COL9A1: variants seen among roughly 807,000 people sequenced by gnomAD.
COL9A1 encodes collagen alpha-1(IX) chain.
A neutral mutation model predicts 142.6 loss-of-function variants in COL9A1; 104 were observed. That is an observed-to-expected ratio of 0.73 (90% CI 0.62 to 0.86). The LOEUF (loss-of-function observed/expected upper bound fraction) is 0.86. Among genes scored for constraint, COL9A1 ranks in the 40% least tolerant of loss-of-function variants. The pLI, the probability that COL9A1 is intolerant of heterozygous loss-of-function variation, is 0.00. For missense variants in COL9A1, 1,210 were observed against 1,176.6 expected (o/e 1.03, Z -0.42); for synonymous variants, 466 against 396.0 (o/e 1.18, Z -2.10).
intron 6 of COL9A1, 142 bp from the exon 7 acceptor site, chr6:70,283,060 G>A: frequency 6.5e-7 from 1 of 1,545,832 alleles, no homozygotes; most frequent in Non-Finnish European, 8.7e-7. Context: ...CATGCCCGCC[G>A]CCCGCCGCTA....
chr6:70,239,091 A>T (rs1358910076), intron 33 of COL9A1, among the ~76,000 whole-genome samples, 163 bp downstream of exon 33: 1 of 152,108 alleles, frequency 6.6e-6, no homozygotes, highest in Non-Finnish European at 1.5e-5. Flanking sequence ...GTGAGCCAAG[A>T]TTGCACCACT....
intron 5 of COL9A1, among the ~76,000 whole-genome samples, chr6:70,291,138 C>A (rs760749904): frequency 8.5e-5 from 13 of 152,186 alleles, no homozygotes; most frequent in Non-Finnish European, 1.6e-4. Context: ...AAAATTAAAA[C>A]AAGGGACTAA....
intron 33 of COL9A1, among the ~76,000 whole-genome samples, chr6:70,238,651 A>C (rs945349202): frequency 6.6e-6 from 1 of 152,212 alleles, no homozygotes; most frequent in Non-Finnish European, 1.5e-5. Context: ...ACCCATTTGG[A>C]GAGGACATTA....
At position 70,289,943 on chromosome 6, in the gene COL9A1, C is replaced by T. The variant is rs1773595563; in HGVS notation, c.696+4224G>A. On this transcript the variant is annotated intron_variant, in intron 5 of 37. Transcript: ENST00000357250. ...TGTGGATGGAGAAAAGTACATATAG[C>T]TTTTCCAACAACGGTTTTACCAGCT... Among the ~76,000 whole-genome samples, 3 of 152,102 alleles carry T rather than the reference C, an allele frequency of 2.0e-5. No individual in the cohort carries two copies. In the South Asian group the frequency reaches 6.2e-4, roughly 32 times the overall value.
chr6:70,274,937 G>T, intron 10 of COL9A1, 165 bp from the exon 11 acceptor site: 1 of 621,544 alleles, frequency 1.6e-6, no homozygotes, highest in Non-Finnish European at 2.8e-6. Flanking sequence ...CAAAAGTAAA[G>T]ATTAACAGAA....
rs150481806 is a variant in COL9A1 at position 70,264,942 on chromosome 6, C to T, written c.1342-1645G>A. On this transcript the variant is annotated intron_variant, in intron 18 of 37. Coordinates refer to ENST00000357250, the MANE Select transcript of COL9A1 (RefSeq NM_001851.6). ...AAACCTCAGGCCTCCAAGCTCTTACCATTCTGTTTTCAGTTTCAGTTCAGT... is the reference window on the plus strand; with the variant it reads ...AAACCTCAGGCCTCCAAGCTCTTACTATTCTGTTTTCAGTTTCAGTTCAGT... Among the ~76,000 whole-genome samples the T allele has an allele frequency of 5.0e-3, 756 of 152,106 alleles. 3 individuals carry two copies. Among genetic ancestry groups the T allele is most frequent in the Non-Finnish European group, 8.6e-3 (582 of 67,892 alleles).
At chr6:70,215,085 A>G (rs1200448420), downstream of COL9A1, 1 of 152,130 alleles carries the variant, frequency 6.6e-6, no homozygotes, top group Non-Finnish European at 1.5e-5. Context: ...TTATTTAATT[A>G]TGTGTCACAG....
At chr6:70,253,903 T>C (rs532877352) in intron 25 of COL9A1, among the ~76,000 whole-genome samples, 2 of 152,340 alleles carry the variant, frequency 1.3e-5, no homozygotes, top group South Asian at 4.1e-4. Flanking sequence ...TTGGGAGTGC[T>C]AATATTATCT....
Position 70,279,874 on chromosome 6 carries a change from T to C in COL9A1, c.975+938A>G, listed in dbSNP as rs1773024940. 11 of 484,530 alleles carry C rather than the reference T, an allele frequency of 2.3e-5. No individual in the cohort carries two copies. In the South Asian group the frequency reaches 5.0e-4, roughly 22 times the overall value. 30.0% of individuals were successfully genotyped at this position (484,530 alleles called of 1,614,324 possible). ...ATAGGTTTTCGAGTGCTTTCTTTCA[T>C]TTAGAAAAGTCTTTAGTTTTTGGAA... On this transcript the variant is annotated intron_variant, in intron 10 of 37. Coordinates refer to ENST00000357250, the MANE Select transcript of COL9A1 (RefSeq NM_001851.6).
At chr6:70,242,212 A>G (rs1011748380) in intron 29 of COL9A1, 177 bp from the exon 30 acceptor site, 3 of 670,524 alleles carry the variant, frequency 4.5e-6, no homozygotes, top group African/African-American at 1.8e-5. Flanking sequence ...GGGCGGGGCC[A>G]ATGTTCTCCC....
chr6:70,280,235 C>T (rs1773059299), intron 10 of COL9A1: 1 of 1,161,360 alleles, frequency 8.6e-7, no homozygotes, highest in Non-Finnish European at 1.1e-6. Context: ...CAGAAAAACT[C>T]CATGGAAAGA....
At chr6:70,256,083 A>G (rs900155786) in intron 21 of COL9A1, among the ~76,000 whole-genome samples, 1 of 152,046 alleles carries the variant, frequency 6.6e-6, no homozygotes, top group Non-Finnish European at 1.5e-5. Context: ...CCCCATCACC[A>G]CCAACAGTGC....
chr6:70,239,349 C>T (rs1005838106), intron 32 of COL9A1, 63 bp from the exon 33 acceptor site: 20 of 1,148,256 alleles, frequency 1.7e-5, no homozygotes, highest in African/African-American at 3.1e-5. Flanking sequence ...TTCCTGAAAA[C>T]ACTTTAAAAG....
chr6:70,286,450 T>C (rs1248143333), intron 5 of COL9A1, among the ~76,000 whole-genome samples: 1 of 152,228 alleles, frequency 6.6e-6, no homozygotes, highest in Non-Finnish European at 1.5e-5. Flanking sequence ...GCTATGAAAC[T>C]TGGCTCAGTG....
chr6:70,218,685 T>G (rs929580200), intron 37 of COL9A1, among the ~76,000 whole-genome samples: 1 of 152,196 alleles, frequency 6.6e-6, no homozygotes, highest in African/African-American at 2.4e-5. Flanking sequence ...TCTATTTCAG[T>G]TGTCTTTTTA....
chr6:70,265,554 C>T (rs1352244586), intron 18 of COL9A1, among the ~76,000 whole-genome samples: 1 of 150,074 alleles, frequency 6.7e-6, no homozygotes, highest in Non-Finnish European at 1.5e-5. Flanking sequence ...AACCCTAGCA[C>T]ATAGCAGGTA....
intron 19 of COL9A1, chr6:70,261,214 C>T (rs1446844553): frequency 6.4e-6 from 1 of 156,906 alleles, no homozygotes; most frequent in Admixed American, 6.3e-5. Flanking sequence ...CTTGTAGTCA[C>T]TATTCATTAT....
chr6:70,239,373 A>G (rs1196296012), intron 32 of COL9A1, 87 bp from the exon 33 acceptor site: 6 of 937,622 alleles, frequency 6.4e-6, no homozygotes, highest in South Asian at 4.1e-5. Flanking sequence ...TTGTGCTACT[A>G]AAATACGGAA....
rs1770994352 is a variant in COL9A1 at position 70,252,303 on chromosome 6, C to T, written c.1777G>A (p.Ala593Thr). Residue 593 changes from alanine (A) to threonine (T), a missense_variant, in exon 27 of 38, where the codon GCT becomes ACT. Coordinates refer to ENST00000357250, the MANE Select transcript of COL9A1 (RefSeq NM_001851.6). ...GVAGEKGSTG[A>T]PGKPGQMGNS... ...CCCATCTGACCAGGCTTCCCTGGAG[C>T]ACCTGTGCTACCCTAAGGGTAAAAT... is the stretch of plus-strand genomic sequence containing the variant. The T allele has an allele frequency of 6.2e-7, 1 of 1,614,130 alleles. No individual in the cohort carries two copies. The highest frequency in any genetic ancestry group is 8.5e-7 in the Non-Finnish European group (1 of 1,179,974).
Sources: allele counts gnomAD v4.1 joint callset (sites outside exome capture counted in the v4.1 genomes callset), GRCh38; gene constraint gnomAD v4.1.1; transcripts MANE v1.5; gene names NCBI Gene and HGNC (gene_info 2026-07-23, HGNC 2026-07-21).